The following FCER1A variants were observed in gnomAD, a reference collection of about 807,000 sequenced individuals.
FCER1A encodes the protein high affinity immunoglobulin epsilon receptor subunit alpha.
In FCER1A, 24 loss-of-function variants were observed where a neutral mutation model predicts 23.6. The observed-to-expected ratio is 1.02, with a 90% confidence interval of 0.74 to 1.43. The LOEUF is 1.43. Among genes scored for constraint, FCER1A ranks in the 40% most tolerant of loss-of-function variants. The pLI, the probability that FCER1A is intolerant of heterozygous loss-of-function variation, is 0.00. For synonymous variants in FCER1A, 121 were observed against 108.8 expected (o/e 1.11, Z -0.70); for missense variants, 318 against 294.5 (o/e 1.08, Z -0.58).
upstream of FCER1A, among the ~76,000 whole-genome samples, chr1:159,285,299 T>A (rs977888903): frequency 6.6e-6 from 1 of 152,236 alleles, no homozygotes; most frequent in Non-Finnish European, 1.5e-5. Context: ...CCCCATATTT[T>A]AAAAAGTCTC....
upstream of FCER1A, among the ~76,000 whole-genome samples, chr1:159,287,234 ACT>A (rs1224676814): frequency 6.6e-6 from 1 of 151,928 alleles, no homozygotes; most frequent in Non-Finnish European, 1.5e-5. Flanking sequence ...GGCAAAGAAG[ACT>A]CTCTTTTCTT....
chr1:159,291,488 A>T (rs557438247), intron 1 of FCER1A, among the ~76,000 whole-genome samples: 57 of 152,284 alleles, frequency 3.7e-4, no homozygotes, highest in African/African-American at 1.3e-3. Context: ...AAAACAATTT[A>T]AAAAAATAAA....
chr1:159,305,925 T>C, intron 3 of FCER1A, 63 bp from the exon 4 acceptor site: 1 of 1,453,252 alleles, frequency 6.9e-7, no homozygotes, highest in Non-Finnish European at 9.5e-7. Context: ...GGCTCTCTTT[T>C]CTCTATTCAT....
rs145069124 is a variant in FCER1A, at chr1:159,304,076, T to A, written c.225T>A (p.Asn75Lys). 4.3e-6 allele frequency: 7 copies of A among 1,613,988 alleles called. No individual in the cohort carries two copies. The African/African-American group carries it at 9.3e-5, about 22-fold the overall frequency. The change falls in exon 3 of 5, where the codon AAT becomes AAA. Residue 75 changes from asparagine to lysine, a missense_variant. Asn to Lys is a moderately conservative substitution (Grantham distance 94). Coordinates refer to ENST00000693622, the MANE Select transcript of FCER1A (RefSeq NM_001387280.1). ...FHNGSLSEET[N>K]SSLNIVNAKF... ...ATGGCAGCCTTTCAGAAGAGACAAATTCAAGTTTGAATATTGTGAATGCCA... is the reference window on the plus strand; with the variant it reads ...ATGGCAGCCTTTCAGAAGAGACAAAATCAAGTTTGAATATTGTGAATGCCA...
chr1:159,305,841 C>T (rs1382999312), intron 3 of FCER1A, 147 bp from the exon 4 acceptor site: 11 of 690,976 alleles, frequency 1.6e-5, no homozygotes, highest in South Asian at 1.6e-4. Flanking sequence ...ATTTTGTGCC[C>T]TTTAAAAATC....
At chr1:159,284,800 C>T (rs1388056826), upstream of FCER1A, among the ~76,000 whole-genome samples, 1 of 152,158 alleles carries the variant, frequency 6.6e-6, no homozygotes, top group Non-Finnish European at 1.5e-5. Context: ...TCATGCTATA[C>T]AAACTTCCTT....
Position 159,306,187 on chromosome 1 carries a change from G to T in FCER1A, c.531G>T (p.Thr177=), listed in dbSNP as rs781630704. ...TVEDSGTYYC[T]GKVWQLDYES... is the part of the protein sequence containing the mutation. ...AAGACAGTGGAACCTACTACTGTAC[G>T]GGCAAAGTGTGGCAGCTGGACTATG... Residue 177 remains threonine, a synonymous_variant, in exon 4 of 5, where the codon ACG becomes ACT. Coordinates refer to ENST00000693622, the MANE Select transcript of FCER1A (RefSeq NM_001387280.1). 5.6e-6 allele frequency: 9 copies of T among 1,614,000 alleles called. No individual in the cohort carries two copies. The highest frequency in any genetic ancestry group is 7.6e-6 in the Non-Finnish European group (9 of 1,179,898).
At chr1:159,287,368 G>C (rs16841979), upstream of FCER1A, among the ~76,000 whole-genome samples, 799 of 152,296 alleles carry the variant, frequency 5.2e-3, 23 homozygotes, top group East Asian at 0.07. Flanking sequence ...ATTGTAGAAA[G>C]AGTATTAGAA....
rs1652477877 is a variant in FCER1A, at chr1:159,302,856, C to T, written c.58C>T (p.Pro20Ser). ...GTATCCTCTCTGGACTTTTGCAGCT[C>T]CAGATGGCGTGTTAGCAGGTGAGTC... Reference protein sequence around the residue: ...LLCVALLFFAPDGVLAVPQKP... With the variant: ...LLCVALLFFASDGVLAVPQKP... The change falls in exon 2 of 5, where the codon CCA becomes TCA. Residue 20 changes from proline to serine, a missense_variant and splice_region_variant. Coordinates refer to ENST00000693622, the MANE Select transcript of FCER1A (RefSeq NM_001387280.1). 1.2e-6 allele frequency: 2 copies of T among 1,613,776 alleles called. No individual in the cohort carries two copies. The highest frequency in any genetic ancestry group is 1.3e-5 in the African/African-American group (1 of 74,916).
chr1:159,307,754 G>T lies in FCER1A; in HGVS notation c.596G>T (p.Arg199Leu). ...CATCTGTGTTCCACTACAGCTCCGC[G>T]TGAGAAGTACTGGCTACAATTTTTT... ...PLNITVIKAPREKYWLQFFIP... is the reference protein window; with the variant it reads ...PLNITVIKAPLEKYWLQFFIP... Residue 199 changes from arginine (R) to leucine (L), a missense_variant, in exon 5 of 5, where the codon CGT becomes CTT. Coordinates refer to ENST00000693622, the MANE Select transcript of FCER1A (RefSeq NM_001387280.1). The T allele has an allele frequency of 6.3e-7, 1 of 1,598,806 alleles. No individual in the cohort carries two copies. Among genetic ancestry groups the T allele is most frequent in the Non-Finnish European group, 8.6e-7 (1 of 1,168,366 alleles).
At chr1:159,300,095 A>G (rs1346569750), upstream of FCER1A, among the ~76,000 whole-genome samples, 1 of 152,140 alleles carries the variant, frequency 6.6e-6, no homozygotes, top group Non-Finnish European at 1.5e-5. Context: ...CTTTATTTCA[A>G]TACCGGGCAC....
rs1341987480 is a variant in FCER1A, at chr1:159,303,980, A to G, written c.129A>G (p.Lys43=). ...SLNPPWNRIF[K]GENVTLTCNG... is the part of the protein sequence containing the mutation. ...ACCCTCCATGGAATAGAATATTTAA[A>G]GGAGAGAATGTGACTCTTACATGTA... Residue 43 remains lysine, a synonymous_variant, in exon 3 of 5, where the codon AAA becomes AAG. Coordinates refer to ENST00000693622, the MANE Select transcript of FCER1A (RefSeq NM_001387280.1). 2 of 1,612,386 alleles carry G rather than the reference A, an allele frequency of 1.2e-6. No homozygotes were observed. Among genetic ancestry groups the G allele is most frequent in the Non-Finnish European group, 1.7e-6 (2 of 1,178,372 alleles).
rs1652671817 is a variant in FCER1A at position 159,308,076 on chromosome 1, C to G, written c.*144C>G. The G allele has an allele frequency of 1.8e-6, 1 of 557,506 alleles. No homozygotes were observed. Among genetic ancestry groups the G allele is most frequent in the East Asian group, 2.8e-5 (1 of 35,498 alleles). The allele number at this position is 557,506 out of a possible 1,614,324, so 34.5% of individuals were successfully genotyped here. On this transcript the variant is annotated 3_prime_UTR_variant, in exon 5 of 5. Coordinates refer to ENST00000693622, the MANE Select transcript of FCER1A (RefSeq NM_001387280.1). ...AAATGCTTCATTAAACTGAGTGAAA[C>G]TGGTTAAGTGGCATGTAATAGTAAG...
upstream of FCER1A, among the ~76,000 whole-genome samples, chr1:159,284,966 A>G (rs1651980468): frequency 1.3e-5 from 2 of 152,230 alleles, no homozygotes; most frequent in Non-Finnish European, 2.9e-5. Context: ...GATTCAAATG[A>G]GCACTGCTTA....
chr1:159,292,566 G>A (rs1351981084), intron 1 of FCER1A, among the ~76,000 whole-genome samples: 5 of 151,842 alleles, frequency 3.3e-5, no homozygotes, highest in African/African-American at 1.2e-4. Context: ...TGACTCTTAA[G>A]CATTTCCCAA....
upstream of FCER1A, among the ~76,000 whole-genome samples, chr1:159,287,379 G>A (rs1445824386): frequency 1.3e-5 from 2 of 152,112 alleles, no homozygotes; most frequent in South Asian, 2.1e-4. Flanking sequence ...AGTATTAGAA[G>A]TCCATCTCTT....
At chr1:159,288,529 C>T (rs1486174875), upstream of FCER1A, among the ~76,000 whole-genome samples, 2 of 152,198 alleles carry the variant, frequency 1.3e-5, no homozygotes, top group Non-Finnish European at 2.9e-5. Context: ...TGTCAGTCTG[C>T]ACTGCAGAAG....
rs538484783 is a variant in FCER1A at position 159,305,408 on chromosome 1, C to A, written c.332-580C>A. Among the ~76,000 whole-genome samples, 6 of 152,306 alleles carry A rather than the reference C, an allele frequency of 3.9e-5. No homozygotes were observed. The South Asian group carries it at 1.0e-3, about 26-fold the overall frequency. On this transcript the variant is annotated intron_variant, in intron 3 of 4. Transcript: ENST00000693622. ...ACCAACTCCTAAGTATTGCTACCAA[C>A]TCCTAAATACTGTGTTGGGCATTCA...
intron 1 of FCER1A, among the ~76,000 whole-genome samples, chr1:159,290,934 A>T (rs1044964620): frequency 3.3e-5 from 5 of 152,200 alleles, no homozygotes; most frequent in African/African-American, 1.2e-4. Flanking sequence ...GCAACTGCTT[A>T]ACAAATCAAG....
Sources: gnomAD v4.1 joint callset for allele counts (sites outside exome capture counted in the v4.1 genomes callset) on GRCh38, gnomAD v4.1.1 for gene constraint, MANE v1.5 for transcripts, NCBI Gene and HGNC (gene_info 2026-07-23, HGNC 2026-07-21) for gene names.